RPRD2: variants seen among roughly 807,000 people sequenced by gnomAD.
The protein encoded by RPRD2 is regulation of nuclear pre-mRNA domain containing 2, also known as regulation of nuclear pre-mRNA domain-containing protein 2.
Under a neutral mutation model 104.4 loss-of-function variants are expected in RPRD2, and 12 were observed. The ratio of observed to expected loss-of-function variants is 0.11; its 90% confidence interval spans 0.07 to 0.19. The LOEUF (loss-of-function observed/expected upper bound fraction) is 0.19, where lower values mean the gene tolerates loss of function less well. Among genes scored for constraint, RPRD2 ranks in the 10% least tolerant of loss-of-function variants. RPRD2 has a pLI of 1.00. For synonymous variants in RPRD2, 714 were observed against 684.9 expected (o/e 1.04, Z -0.66); for missense variants, 1,543 against 1,790.1 (o/e 0.86, Z 2.49).
At chr1:150,416,368 G>A (rs964825644) in intron 1 of RPRD2, among the ~76,000 whole-genome samples, 4 of 152,054 alleles carry the variant, frequency 2.6e-5, no homozygotes, top group Admixed American at 1.3e-4. Flanking sequence ...AGGAGTGGGA[G>A]GTTGTGATCA....
intron 1 of RPRD2, among the ~76,000 whole-genome samples, chr1:150,375,721 T>C (rs587634351): frequency 6.6e-6 from 1 of 152,326 alleles, no homozygotes; most frequent in South Asian, 2.1e-4. Flanking sequence ...TCCAGGTGTT[T>C]ATTGTTTTAC....
At chr1:150,414,112 G>A (rs1258357816) in intron 1 of RPRD2, among the ~76,000 whole-genome samples, 2 of 151,960 alleles carry the variant, frequency 1.3e-5, no homozygotes, top group South Asian at 2.1e-4. Context: ...AGGGTGCCTC[G>A]GAGACTTTGA....
chr1:150,368,102 T>C (rs1455998702), intron 1 of RPRD2, among the ~76,000 whole-genome samples: 1 of 151,994 alleles, frequency 6.6e-6, no homozygotes, highest in Non-Finnish European at 1.5e-5. Flanking sequence ...CCATCTGCTC[T>C]GCCTACCTCG....
In RPRD2 at chr1:150,471,740, C is replaced by T. The variant is rs998339796; in HGVS notation, c.2792C>T (p.Pro931Leu). The T allele has an allele frequency of 4.3e-6, 7 of 1,613,870 alleles. No individual in the cohort carries two copies. The highest frequency in any genetic ancestry group is 2.2e-5 in the East Asian group (1 of 44,856). The change falls in exon 11 of 11, where the codon CCG becomes CTG. Residue 931 changes from proline (P) to leucine (L), a missense_variant. Pro to Leu is a moderately conservative substitution (Grantham distance 98). Coordinates refer to ENST00000369068, the MANE Select transcript of RPRD2 (RefSeq NM_015203.5). This position sits in a 1 kb window ranked among gnomAD's most constrained non-coding sequence, Gnocchi z 5.3. ...NEPGSDRSPS[P>L]SKNDSFFTPD... ...CCTGGGTCTGACCGGTCACCATCAC[C>T]GAGTAAGAATGATTCATTTTTCACC...
chr1:150,415,335 A>AATC (rs1664255460), intron 1 of RPRD2, among the ~76,000 whole-genome samples: 2 of 151,190 alleles, frequency 1.3e-5, no homozygotes, highest in South Asian at 4.2e-4. Context: ...TCTCAAAAAT[A>AATC]ATAATAATAA....
intron 1 of RPRD2, among the ~76,000 whole-genome samples, chr1:150,392,562 A>T (rs587666521): frequency 1.3e-5 from 2 of 152,328 alleles, no homozygotes; most frequent in East Asian, 1.9e-4. Context: ...AGAACAATTT[A>T]AAAAATAAAT....
intron 1 of RPRD2, among the ~76,000 whole-genome samples, chr1:150,397,522 T>A (rs587719787): frequency 2.0e-5 from 3 of 152,318 alleles, no homozygotes; most frequent in Non-Finnish European, 2.9e-5. Flanking sequence ...TATTTGACCT[T>A]ATAGTTTTGA....
At chr1:150,449,667 C>A (rs1347605956) in intron 7 of RPRD2, among the ~76,000 whole-genome samples, 1 of 152,058 alleles carries the variant, frequency 6.6e-6, no homozygotes, top group East Asian at 1.9e-4. Context: ...ATCCTGATGA[C>A]CTCACTTAAC....
At chr1:150,384,551 C>T (rs1157304832) in intron 1 of RPRD2, among the ~76,000 whole-genome samples, 1 of 150,878 alleles carries the variant, frequency 6.6e-6, no homozygotes, top group Non-Finnish European at 1.5e-5. Context: ...TGCTCACTGC[C>T]ACCTCCGCCT....
At chr1:150,438,855 A>G (rs1560203298) in intron 2 of RPRD2, among the ~76,000 whole-genome samples, 1 of 150,756 alleles carries the variant, frequency 6.6e-6, no homozygotes, top group African/African-American at 2.4e-5. Flanking sequence ...TTTTTTTTTT[A>G]AACGGAGTCT....
chr1:150,437,579 A>T (rs1049073804), intron 2 of RPRD2, among the ~76,000 whole-genome samples: 6 of 152,118 alleles, frequency 3.9e-5, no homozygotes, highest in African/African-American at 7.2e-5. Context: ...CTTTTTAAAA[A>T]TTTATTGGTT....
At chr1:150,379,725 T>C (rs1553880357) in intron 1 of RPRD2, among the ~76,000 whole-genome samples, 1 of 152,068 alleles carries the variant, frequency 6.6e-6, no homozygotes. Flanking sequence ...TTAGTAGAGA[T>C]GGGATTTCAC....
chr1:150,404,073 C>A (rs1663277022), intron 1 of RPRD2, among the ~76,000 whole-genome samples: 1 of 151,944 alleles, frequency 6.6e-6, no homozygotes, highest in Admixed American at 6.6e-5. Flanking sequence ...AAATATTAAC[C>A]CTATTGACTC....
chr1:150,384,447 CATCATTATTATT>C (rs1377961772), intron 1 of RPRD2, among the ~76,000 whole-genome samples: 31 of 97,838 alleles, frequency 3.2e-4, no homozygotes, highest in African/African-American at 1.1e-3. Flanking sequence ...AAGGCATCAT[CATCATTATTATT>C]ATTATTATTA....
rs143382800 is a variant in RPRD2 at position 150,440,808 on chromosome 1, TAAAC to T, written c.336-113_336-110del. The T allele has an allele frequency of 2.9e-3, 1,856 of 647,812 alleles. 27 individuals carry two copies. In the African/African-American group the frequency reaches 0.031, roughly 11 times the overall value. 40.1% of individuals were successfully genotyped at this position (647,812 alleles called of 1,614,324 possible). Reference sequence around the variant, plus strand: ...ATATTATAGAAAAAAGGTTTTGAAATAAACATCAGAAGAAATTTGGAAAATAATT... The same window carrying T: ...ATATTATAGAAAAAAGGTTTTGAAATATCAGAAGAAATTTGGAAAATAATT... On this transcript the variant is annotated intron_variant, in intron 2 of 10. Coordinates refer to ENST00000369068, the MANE Select transcript of RPRD2 (RefSeq NM_015203.5).
intron 7 of RPRD2, among the ~76,000 whole-genome samples, chr1:150,452,661 C>CTTT (rs782322743): frequency 0.02 from 1,398 of 71,306 alleles, 18 homozygotes; most frequent in Non-Finnish European, 0.024. Flanking sequence ...GACATATCCC[C>CTTT]TTTTTTTTTT....
rs587618180 is a variant in RPRD2, at chr1:150,411,410, G to A, written c.206-6186G>A. ...TGGGAGGCGGAGGTTGCAGTGAGCC[G>A]AGATCGCGCCACTGCACTCTAGCCT... On this transcript the variant is annotated intron_variant, in intron 1 of 10. Transcript: ENST00000369068. Among the ~76,000 whole-genome samples the A allele has an allele frequency of 3.0e-3, 390 of 129,212 alleles. 1 individual carries two copies. Among genetic ancestry groups the A allele is most frequent in the Middle Eastern group, 0.015 (3 of 194 alleles). The allele number at this position is 129,212 out of a possible 152,430, so 84.8% of individuals were successfully genotyped here. A position where few individuals can be genotyped will look rare whatever the true frequency, so the allele number is the denominator to read the frequency against.
chr1:150,444,402 A>G, intron 6 of RPRD2, 25 bp downstream of exon 6: 1 of 1,603,290 alleles, frequency 6.2e-7, no homozygotes, highest in Non-Finnish European at 8.5e-7. Context: ...CTTTTAGAGT[A>G]AGTCAGATTT....
chr1:150,380,934 C>A (rs782409389), intron 1 of RPRD2, among the ~76,000 whole-genome samples: 1 of 152,170 alleles, frequency 6.6e-6, no homozygotes, highest in Non-Finnish European at 1.5e-5. Flanking sequence ...GGATTACAGG[C>A]GTGAAGCACG....
Sources: gnomAD v4.1 joint callset for allele counts (sites outside exome capture counted in the v4.1 genomes callset) on GRCh38, gnomAD v4.1.1 for gene constraint, Gnocchi (gnomAD v3.1) non-coding constraint, MANE v1.5 for transcripts, NCBI Gene and HGNC (gene_info 2026-07-23, HGNC 2026-07-21) for gene names.